SMU1: variants seen among roughly 807,000 people sequenced by gnomAD.
SMU1 encodes the protein WD40 repeat-containing protein SMU1.
Under a neutral mutation model 62.0 loss-of-function variants are expected in SMU1, and 2 were observed. The observed-to-expected ratio is 0.03, with a 90% CI of 0.01 to 0.10. The LOEUF is 0.10. SMU1 is among the 10% of genes least tolerant of loss of function. The probability of loss-of-function intolerance (pLI) is 1.00; values close to 1 mark genes in which losing one functional copy is unlikely to be tolerated. For synonymous variants in SMU1, 188 were observed against 212.4 expected (o/e 0.89, Z 1.00); for missense variants, 227 against 622.1 (o/e 0.36, Z 6.76).
At chr9:33,052,273 G>A (rs925797104) in intron 10 of SMU1, among the ~76,000 whole-genome samples, 4 of 145,072 alleles carry the variant, frequency 2.8e-5, no homozygotes, top group East Asian at 4.5e-4. Context: ...TTTGAAGAGC[G>A]AAACACAGGA....
At chr9:33,061,839 T>C (rs1459293153) in intron 5 of SMU1, among the ~76,000 whole-genome samples, 1 of 152,228 alleles carries the variant, frequency 6.6e-6, no homozygotes, top group Non-Finnish European at 1.5e-5. Context: ...TCAAGCTAGA[T>C]GTCCATCCAT....
chr9:33,073,770 G>A lies in SMU1; in HGVS notation c.63C>T (p.Asn21=), dbSNP rs909333002. The A allele has an allele frequency of 5.0e-6, 8 of 1,614,192 alleles. No homozygotes were observed. In the East Asian group the frequency reaches 1.3e-4, roughly 27 times the overall value. Residue 21 remains asparagine (N), a synonymous_variant, in exon 2 of 12, where the codon AAC becomes AAT. Transcript: ENST00000397149. ...AGGTGGCTAACGCCCGATGTAAACT[G>A]TTCTCCTTCAAGTACTGCATAATAA... is the stretch of plus-strand genomic sequence containing the variant. The part of the protein sequence containing the change: ...IRLIMQYLKE[N]SLHRALATLQ...
chr9:33,074,065 T>G (rs905621108), intron 1 of SMU1, among the ~76,000 whole-genome samples: 1 of 152,232 alleles, frequency 6.6e-6, no homozygotes, highest in Admixed American at 6.5e-5. Context: ...GGTGACTATC[T>G]TATTTCCTAA....
intron 9 of SMU1, 111 bp downstream of exon 9, chr9:33,055,998 TAGCC>T (rs1244457357): frequency 1.9e-6 from 2 of 1,046,898 alleles, no homozygotes; most frequent in Non-Finnish European, 2.6e-6. Context: ...ACAGCTAAAA[TAGCC>T]AGGAAAGAGG....
At position 33,056,967 on chromosome 9, in the gene SMU1, T is replaced by G; in HGVS notation, c.868-3A>C. ...TGTCCACTCTGAATCTTCCACACCT[T>G]TATTTGAAAAAAAAAAAAGAATTAA... On this transcript the variant is annotated splice_region_variant and splice_polypyrimidine_tract_variant and intron_variant, in intron 7 of 11. Transcript: ENST00000397149. 2.5e-6 allele frequency: 4 copies of G among 1,587,102 alleles called. No individual in the cohort carries two copies. The highest frequency in any genetic ancestry group is 3.4e-6 in the Non-Finnish European group (4 of 1,171,744).
chr9:33,051,053 G>A (rs1389977835), intron 10 of SMU1, among the ~76,000 whole-genome samples: 3 of 99,722 alleles, frequency 3.0e-5, no homozygotes, highest in Admixed American at 2.0e-4. Flanking sequence ...CCCAGGAGGC[G>A]GAGCTTGCAG....
At chr9:33,055,138 C>T (rs964333969) in intron 9 of SMU1, among the ~76,000 whole-genome samples, 2 of 152,026 alleles carry the variant, frequency 1.3e-5, no homozygotes, top group Non-Finnish European at 2.9e-5. Context: ...ACAGCAATTT[C>T]AGACGGTGGT....
rs1839551106 is a variant in SMU1, at chr9:33,076,664, A to G, written c.-56T>C. 4 of 1,611,846 alleles carry G rather than the reference A, an allele frequency of 2.5e-6. No individual in the cohort carries two copies. The highest frequency in any genetic ancestry group is 2.5e-6 in the Non-Finnish European group (3 of 1,179,056). On this transcript the variant is annotated 5_prime_UTR_variant, in exon 1 of 12. Transcript: ENST00000397149. ...TCTCCCTCAAGGCCAGTCGCGCAAC[A>G]CACCAACGACACCTCCGGCGGACAC...
chr9:33,046,078 A>G lies in SMU1; in HGVS notation c.*1215T>C, dbSNP rs1289335158. Reference sequence around the variant, plus strand: ...AAACGTGAAACAGACATCCATATGCAAAATATTTTCAAGGGTTTTGTTGGC... The same window carrying G: ...AAACGTGAAACAGACATCCATATGCGAAATATTTTCAAGGGTTTTGTTGGC... On this transcript the variant is annotated 3_prime_UTR_variant, in exon 12 of 12. Transcript: ENST00000397149. 6.6e-6 allele frequency: 1 copy of G among 152,240 alleles called. No individual in the cohort carries two copies. The highest frequency in any genetic ancestry group is 1.5e-5 in the Non-Finnish European group (1 of 68,036). The allele number at this position is 152,240 out of a possible 1,614,324, so 9.4% of individuals were successfully genotyped here.
intron 10 of SMU1, 32 bp downstream of exon 10, chr9:33,053,091 T>A (rs920865758): frequency 6.2e-7 from 1 of 1,601,880 alleles, no homozygotes; most frequent in Non-Finnish European, 8.5e-7. Flanking sequence ...TGGCCCACAG[T>A]TCCTGTGCAA....
At position 33,071,902 on chromosome 9, in the gene SMU1, T is replaced by TAA. The variant is rs749153008; in HGVS notation, c.238-12_238-11dup. The TAA allele has an allele frequency of 5.4e-6, 8 of 1,490,902 alleles. No individual in the cohort carries two copies. The highest frequency in any genetic ancestry group is 1.8e-4 in the Middle Eastern group (1 of 5,594). The allele number at this position is 1,490,902 out of a possible 1,614,324, so 92.4% of individuals were successfully genotyped here. On this transcript the variant is annotated splice_polypyrimidine_tract_variant and intron_variant, in intron 2 of 11. Transcript: ENST00000397149. Reference sequence around the variant, plus strand: ...TCAATTCCAGAACAACCTGGACAATTAAAAAAAAACAAAAAAAACCCCAGA... The same window carrying TAA: ...TCAATTCCAGAACAACCTGGACAATTAAAAAAAAAAACAAAAAAAACCCCAGA...
chr9:33,070,885 C>CG (rs1839478355), intron 3 of SMU1, among the ~76,000 whole-genome samples: 1 of 151,304 alleles, frequency 6.6e-6, no homozygotes, highest in African/African-American at 2.4e-5. Flanking sequence ...GTGGAGGTGG[C>CG]GGGGGTAAGA....
Position 33,068,807 on chromosome 9 carries a change from T to C in SMU1, c.501+17A>G, listed in dbSNP as rs757148337. The C allele has an allele frequency of 1.9e-6, 3 of 1,613,348 alleles. No individual in the cohort carries two copies. The highest frequency in any genetic ancestry group is 2.5e-6 in the Non-Finnish European group (3 of 1,179,762). Reference sequence around the variant, plus strand: ...GGTGTGAGCCACCACACCTGGCCTCTACAGGAATTGAATTACCTGTCCCAG... The same window carrying C: ...GGTGTGAGCCACCACACCTGGCCTCCACAGGAATTGAATTACCTGTCCCAG... On this transcript the variant is annotated intron_variant, in intron 4 of 11. Transcript: ENST00000397149.
chr9:33,071,615 C>T (rs1206232943), intron 3 of SMU1, 125 bp downstream of exon 3: 3 of 958,560 alleles, frequency 3.1e-6, no homozygotes, highest in Non-Finnish European at 4.5e-6. Flanking sequence ...AGAGAAGCAT[C>T]ATTCTCAAAA....
At chr9:33,053,572 A>G (rs896909314) in intron 9 of SMU1, among the ~76,000 whole-genome samples, 2 of 152,208 alleles carry the variant, frequency 1.3e-5, no homozygotes, top group African/African-American at 4.8e-5. Context: ...ACCTATGCAC[A>G]TCCTCCTGTA....
At chr9:33,061,131 T>C (rs970049424) in intron 5 of SMU1, among the ~76,000 whole-genome samples, 4 of 152,354 alleles carry the variant, frequency 2.6e-5, no homozygotes, top group Non-Finnish European at 5.9e-5. Flanking sequence ...TACTGTCTGA[T>C]AAATGCATTC....
chr9:33,045,150 T>C lies in SMU1; in HGVS notation c.*2143A>G, dbSNP rs1019463772. The C allele has an allele frequency of 2.0e-5, 3 of 152,202 alleles. No individual in the cohort carries two copies. The highest frequency in any genetic ancestry group is 7.2e-5 in the African/African-American group (3 of 41,452). The allele number at this position is 152,202 out of a possible 1,614,324, so 9.4% of individuals were successfully genotyped here. A position where few individuals can be genotyped will look rare whatever the true frequency, so the allele number is the denominator to read the frequency against. ...GATTCTCCATCTTCATAAACGGTGATACAAACTATGCACATCATAACTACC... is the reference window on the plus strand; with the variant it reads ...GATTCTCCATCTTCATAAACGGTGACACAAACTATGCACATCATAACTACC... On this transcript the variant is annotated 3_prime_UTR_variant, in exon 12 of 12. Transcript: ENST00000397149.
chr9:33,069,050 C>T, intron 3 of SMU1, 116 bp from the exon 4 acceptor site: 1 of 1,390,748 alleles, frequency 7.2e-7, no homozygotes, highest in Non-Finnish European at 9.4e-7. Context: ...AAGAAATTAC[C>T]CAGTTAAAGA....
chr9:33,066,725 G>A (rs1056718380), intron 4 of SMU1, among the ~76,000 whole-genome samples: 1 of 151,774 alleles, frequency 6.6e-6, no homozygotes, highest in African/African-American at 2.4e-5. Flanking sequence ...AGAATTGCTC[G>A]AACCCAGAAG....
Sources: allele counts gnomAD v4.1 joint callset (sites outside exome capture counted in the v4.1 genomes callset), GRCh38; gene constraint gnomAD v4.1.1; transcripts MANE v1.5; gene names NCBI Gene and HGNC (gene_info 2026-07-23, HGNC 2026-07-21).